The following DMD variants were observed in gnomAD, a reference collection of about 807,000 sequenced individuals.
DMD encodes mutant dystrophin.
DMD carries 63 observed loss-of-function variants against 330.1 expected under a neutral mutation model. The ratio of observed to expected loss-of-function variants is 0.19; its 90% CI spans 0.16 to 0.24. DMD has a LOEUF of 0.24. DMD is among the 10% of genes least tolerant of loss of function. The pLI, the probability that DMD is intolerant of heterozygous loss-of-function variation, is 1.00. For synonymous variants in DMD, 1,223 were observed against 959.8 expected (o/e 1.27, Z -5.07); for missense variants, 3,344 against 2,684.1 (o/e 1.25, Z -5.43).
intron 43 of DMD, among the ~76,000 whole-genome samples, chrX:32,254,640 ATGTGAAGGG>A (rs1446194149): frequency 8.9e-6 from 1 of 111,973 alleles, no homozygotes. Context: ...ATGATTCATA[ATGTGAAGGG>A]TGTTTATATC....
At chrX:33,124,772 C>T (rs1050172326) in intron 1 of DMD, among the ~76,000 whole-genome samples, 2 of 109,905 alleles carry the variant, frequency 1.8e-5, no homozygotes, top group African/African-American at 6.6e-5. Flanking sequence ...CGCCTGTAAT[C>T]CCAGCACTTT....
intron 60 of DMD, among the ~76,000 whole-genome samples, chrX:31,370,090 C>T (rs1469288986): frequency 1.4e-5 from 1 of 73,752 alleles, no homozygotes; most frequent in South Asian, 6.7e-4. Context: ...CAGAGCGAGG[C>T]TCCGTCTCAA....
At chrX:32,357,981 T>C (rs1328813292) in intron 37 of DMD, among the ~76,000 whole-genome samples, 1 of 110,187 alleles carries the variant, frequency 9.1e-6, no homozygotes, top group Non-Finnish European at 1.9e-5. Context: ...ACTCTCAATC[T>C]AGTATCCATG....
At chrX:32,588,169 A>G (rs2054497734) in intron 13 of DMD, among the ~76,000 whole-genome samples, 1 of 112,376 alleles carries the variant, frequency 8.9e-6, no homozygotes, top group Admixed American at 9.5e-5. Flanking sequence ...CAATGCAGGC[A>G]AGAATGTGTA....
Position 32,212,625 on chromosome X carries a change from G to A in DMD, c.6438+4291C>T, listed in dbSNP as rs1000849981. Among the ~76,000 whole-genome samples, 4 of 111,741 alleles carry A rather than the reference G, an allele frequency of 3.6e-5. No homozygotes were observed. The Admixed American group carries it at 3.8e-4, about 11-fold the overall frequency. Reference sequence around the variant, plus strand: ...ACCCCCTTTCTAAACTTCTATTAGAGCCTCATGTGGATTGTCACTGTTTTG... The same window carrying A: ...ACCCCCTTTCTAAACTTCTATTAGAACCTCATGTGGATTGTCACTGTTTTG... On this transcript the variant is annotated intron_variant, in intron 44 of 78. Transcript: ENST00000357033.
At chrX:33,277,036 A>C (rs1311503138) in intron 1 of DMD, among the ~76,000 whole-genome samples, 1 of 111,965 alleles carries the variant, frequency 8.9e-6, no homozygotes, top group South Asian at 3.7e-4. Context: ...TACCACATAG[A>C]TCACTTCACG....
At chrX:32,625,664 G>C (rs2058300821) in intron 11 of DMD, among the ~76,000 whole-genome samples, 1 of 112,037 alleles carries the variant, frequency 8.9e-6, no homozygotes, top group African/African-American at 3.2e-5. Flanking sequence ...GGTCCTAATA[G>C]CATTTTTTGT....
intron 43 of DMD, among the ~76,000 whole-genome samples, chrX:32,227,652 C>T (rs1053872731): frequency 3.7e-5 from 4 of 109,316 alleles, no homozygotes; most frequent in East Asian, 5.8e-4. Flanking sequence ...AACCAGACTT[C>T]GCCACTCTGC....
intron 18 of DMD, among the ~76,000 whole-genome samples, chrX:32,508,972 G>A (rs766564450): frequency 9.2e-5 from 10 of 109,158 alleles, no homozygotes; most frequent in South Asian, 8.1e-4. Context: ...AACCATGCCC[G>A]GCTAATTTTT....
chrX:33,325,557 G>A (rs1416301712), intron 1 of DMD, among the ~76,000 whole-genome samples: 1 of 112,315 alleles, frequency 8.9e-6, no homozygotes, highest in Middle Eastern at 4.2e-3. Context: ...TACTGAAGTT[G>A]AGGCTGTAAA....
chrX:31,384,413 T>G (rs2060352982), intron 60 of DMD, among the ~76,000 whole-genome samples: 1 of 111,887 alleles, frequency 8.9e-6, no homozygotes, highest in African/African-American at 3.3e-5. Flanking sequence ...TTTTGTACTC[T>G]GATGACCAGA....
chrX:31,660,449 A>G lies in DMD; in HGVS notation c.7873-2305T>C, dbSNP rs367761804. Among the ~76,000 whole-genome samples, 18 of 112,088 alleles carry G rather than the reference A, an allele frequency of 1.6e-4. No homozygotes were observed. In the South Asian group the frequency reaches 6.7e-3, roughly 42 times the overall value. On this transcript the variant is annotated intron_variant, in intron 53 of 78. Coordinates refer to ENST00000357033, the MANE Select transcript of DMD (RefSeq NM_004006.3). ...AGTGATAAAAGAAATGTATTCCAAG[A>G]TACGAAAGAACATGTAATTGGCCCT...
At chrX:32,528,270 C>A (rs111908681) in intron 17 of DMD, among the ~76,000 whole-genome samples, 2,273 of 110,648 alleles carry the variant, frequency 0.021, 39 homozygotes, top group Admixed American at 0.072. Flanking sequence ...GATTGTGCCA[C>A]TACATTCCAG....
At chrX:31,875,053 C>T (rs1247119366) in intron 48 of DMD, 135 bp downstream of exon 48, 2 of 581,521 alleles carry the variant, frequency 3.4e-6, no homozygotes, top group Non-Finnish European at 5.4e-6. Flanking sequence ...TTGTGGTTAT[C>T]CTGAATAAAG....
intron 1 of DMD, among the ~76,000 whole-genome samples, chrX:33,081,709 T>A (rs192231084): frequency 1.3e-4 from 14 of 111,897 alleles, no homozygotes; most frequent in Non-Finnish European, 2.1e-4. Flanking sequence ...ATCTTCCGGG[T>A]GACCAAAAGC....
chrX:32,004,145 CA>C (rs1438818538), intron 44 of DMD, among the ~76,000 whole-genome samples: 2 of 111,339 alleles, frequency 1.8e-5, no homozygotes, highest in Non-Finnish European at 3.8e-5. Flanking sequence ...TAAGGTCACA[CA>C]CCTAGTTTTT....
chrX:31,320,267 G>A (rs949267132), intron 62 of DMD, among the ~76,000 whole-genome samples: 1 of 112,536 alleles, frequency 8.9e-6, no homozygotes, highest in Non-Finnish European at 1.9e-5. Flanking sequence ...TAGAGCAAAA[G>A]ATGTTAATGA....
chrX:33,270,793 T>G (rs2053140572), intron 1 of DMD, among the ~76,000 whole-genome samples: 1 of 112,245 alleles, frequency 8.9e-6, no homozygotes, highest in Non-Finnish European at 1.9e-5. Flanking sequence ...GGAAGCTGAA[T>G]AAACTATTAA....
chrX:32,468,614 G>T lies in DMD; in HGVS notation c.3046C>A (p.Arg1016=), dbSNP rs199808421. 33 of 1,208,880 alleles carry T rather than the reference G, an allele frequency of 2.7e-5. No individual in the cohort carries two copies. Among genetic ancestry groups the T allele is most frequent in the Non-Finnish European group, 3.2e-5 (29 of 894,671 alleles). The change falls in exon 23 of 79, where the codon CGG becomes AGG. Residue 1016 remains arginine, a synonymous_variant. Transcript: ENST00000357033. The part of the protein sequence containing the change: ...MSKKAPSEIS[R]KYQSEFEEIE... The stretch of plus-strand genomic sequence containing the variant: ...TCTTCAAATTCTGATTGATATTTCC[G>T]GCTAATTTCAGAGGGCGCTTTCTTC...
Sources: allele counts gnomAD v4.1 joint callset (sites outside exome capture counted in the v4.1 genomes callset), GRCh38; gene constraint gnomAD v4.1.1; transcripts MANE v1.5; gene names NCBI Gene and HGNC (gene_info 2026-07-23, HGNC 2026-07-21).